Variants in UBALD1 observed in about 807,000 individuals in gnomAD.
The protein encoded by UBALD1 is UBA-like domain-containing protein 1.
A neutral mutation model predicts 16.1 loss-of-function variants in UBALD1; 5 were observed. The ratio of observed to expected loss-of-function variants is 0.31; its 90% CI spans 0.16 to 0.66. UBALD1 has a LOEUF of 0.66. UBALD1 is among the 30% of genes least tolerant of loss of function. UBALD1 has a pLI of 0.77. For synonymous variants in UBALD1, 146 were observed against 105.3 expected (o/e 1.39, Z -2.37); for missense variants, 220 against 252.8 (o/e 0.87, Z 0.88).
intron 1 of UBALD1, chr16:4,611,438 C>G (rs1456055533): frequency 6.6e-6 from 1 of 152,518 alleles, no homozygotes; most frequent in African/African-American, 2.4e-5. Context: ...GCTCCACCGT[C>G]TCCCTCCACA....
In UBALD1 at chr16:4,609,483, G is replaced by A. The variant is rs1596545928; in HGVS notation, c.*150C>T. The A allele has an allele frequency of 2.4e-6, 1 of 416,394 alleles. No individual in the cohort carries two copies. Among genetic ancestry groups the A allele is most frequent in the Non-Finnish European group, 4.2e-6 (1 of 239,510 alleles). 25.8% of individuals were successfully genotyped at this position (416,394 alleles called of 1,614,324 possible). Reference sequence around the variant, plus strand: ...GCAGCTGCGTGTTCTGGCACCAGACGTGTCCCTGCCTGGCTAGAGTCCGCG... The same window carrying A: ...GCAGCTGCGTGTTCTGGCACCAGACATGTCCCTGCCTGGCTAGAGTCCGCG... On this transcript the variant is annotated 3_prime_UTR_variant, in exon 3 of 3. Transcript: ENST00000283474.
At chr16:4,611,179 C>T (rs1266343347) in intron 1 of UBALD1, 1 of 154,800 alleles carries the variant, frequency 6.5e-6, no homozygotes, top group East Asian at 1.9e-4. Flanking sequence ...CTAGGTGGCT[C>T]CTGGGTCCCC....
chr16:4,609,679 G>A lies in UBALD1; in HGVS notation c.488C>T (p.Ala163Val), dbSNP rs777997322. 3.5e-5 allele frequency: 52 copies of A among 1,469,998 alleles called. No individual in the cohort carries two copies. The highest frequency in any genetic ancestry group is 4.4e-5 in the Non-Finnish European group (49 of 1,112,562). 91.1% of individuals were successfully genotyped at this position (1,469,998 alleles called of 1,614,324 possible). A position where few individuals can be genotyped will look rare whatever the true frequency, so the allele number is the denominator to read the frequency against. ...SDWPPLAPQQ[A>V]TSEPRAHPAM... The stretch of plus-strand genomic sequence containing the variant: ...AGGGTGGGCCCTGGGTTCTGAGGTG[G>A]CCTGTTGGGGGGCCAGGGGTGGCCA... Residue 163 changes from alanine (A) to valine (V), a missense_variant, in exon 3 of 3, where the codon GCC becomes GTC. Transcript: ENST00000283474.
In UBALD1 at chr16:4,609,717, A is replaced by G; in HGVS notation, c.450T>C (p.Ser150=). 2 of 1,479,598 alleles carry G rather than the reference A, an allele frequency of 1.4e-6. No homozygotes were observed. The highest frequency in any genetic ancestry group is 9.0e-7 in the Non-Finnish European group (1 of 1,116,906). 91.7% of individuals were successfully genotyped at this position (1,479,598 alleles called of 1,614,324 possible). A position where few individuals can be genotyped will look rare whatever the true frequency, so the allele number is the denominator to read the frequency against. The change falls in exon 3 of 3, where the codon TCT becomes TCC. Residue 150 remains serine, a synonymous_variant. Transcript: ENST00000283474. The part of the protein sequence containing the change: ...QPPLWTPTPP[S]PASDWPPLAP... ...CCAGGGGTGGCCAGTCTGAAGCCGG[A>G]GAAGGGGGTGTTGGAGTCCACAGGG... is the stretch of plus-strand genomic sequence containing the variant.
chr16:4,612,283 T>G (rs1383610316), intron 1 of UBALD1, among the ~76,000 whole-genome samples: 4 of 152,074 alleles, frequency 2.6e-5, no homozygotes, highest in Admixed American at 2.6e-4. Context: ...AGGATGGTCT[T>G]GATCTCTTGA....
intron 1 of UBALD1, among the ~76,000 whole-genome samples, chr16:4,611,684 T>C (rs1304258885): frequency 6.6e-5 from 10 of 152,070 alleles, no homozygotes; most frequent in African/African-American, 2.2e-4. Context: ...CCCTTTCCTG[T>C]GTGTGTCAGC....
intron 1 of UBALD1, among the ~76,000 whole-genome samples, chr16:4,613,257 A>AG (rs1183509536): frequency 6.6e-6 from 1 of 152,184 alleles, no homozygotes; most frequent in Non-Finnish European, 1.5e-5. Context: ...CTTGGGGCAC[A>AG]GGGGGCAGTA....
intron 1 of UBALD1, 30 bp downstream of exon 1, chr16:4,614,648 C>T (rs746268418): frequency 1.4e-6 from 2 of 1,465,910 alleles, no homozygotes; most frequent in South Asian, 1.4e-5. Flanking sequence ...CCCGTGGCCC[C>T]GGCCCTCGCC....
chr16:4,614,411 T>TGG (rs138923012), intron 1 of UBALD1: 5,047 of 377,882 alleles, frequency 0.013, 27 homozygotes, highest in African/African-American at 0.026. Flanking sequence ...ACAAAAGGGG[T>TGG]GGGGGGGGTC....
Position 4,614,746 on chromosome 16 carries a change from C to CG in UBALD1, c.51dup (p.Val18ArgfsTer60). 1 of 1,561,606 alleles carries CG rather than the reference C, an allele frequency of 6.4e-7. No homozygotes were observed. The highest frequency in any genetic ancestry group is 8.6e-7 in the Non-Finnish European group (1 of 1,156,360). ...TCGGCCGCGCAGCCCGCCGTCAGCACGAACTGGTTGATCATGACCTGGTGC... is the reference window on the plus strand; with the variant it reads ...TCGGCCGCGCAGCCCGCCGTCAGCACGGAACTGGTTGATCATGACCTGGTGC... On this transcript the variant is annotated frameshift_variant, in exon 1 of 3. Transcript: ENST00000283474. LOFTEE classifies it high-confidence loss of function.
chr16:4,609,694 AG>A lies in UBALD1; in HGVS notation c.472del (p.Leu158TrpfsTer66). Reference sequence around the variant, plus strand: ...TTCTGAGGTGGCCTGTTGGGGGGCCAGGGGTGGCCAGTCTGAAGCCGGAGAA... The same window carrying A: ...TTCTGAGGTGGCCTGTTGGGGGGCCAGGGTGGCCAGTCTGAAGCCGGAGAA... ...PPSPASDWPP[L>X]APQQATSEPR... On this transcript the variant is annotated frameshift_variant, in exon 3 of 3. Coordinates refer to ENST00000283474, the MANE Select transcript of UBALD1 (RefSeq NM_145253.3). LOFTEE classifies it high-confidence loss of function. 2 of 1,476,718 alleles carry A rather than the reference AG, an allele frequency of 1.4e-6. No homozygotes were observed. The highest frequency in any genetic ancestry group is 2.5e-5 in the East Asian group (1 of 40,466). 91.5% of individuals were successfully genotyped at this position (1,476,718 alleles called of 1,614,324 possible). A position where few individuals can be genotyped will look rare whatever the true frequency, so the allele number is the denominator to read the frequency against.
chr16:4,610,635 G>A (rs751348682), intron 1 of UBALD1, 80 bp from the exon 2 acceptor site: 2 of 1,484,998 alleles, frequency 1.3e-6, no homozygotes, highest in South Asian at 2.4e-5. Context: ...CTCCTCTGAG[G>A]CTGGGGATGA....
At chr16:4,612,530 G>T (rs111515142) in intron 1 of UBALD1, among the ~76,000 whole-genome samples, 1 of 151,946 alleles carries the variant, frequency 6.6e-6, no homozygotes, top group African/African-American at 2.4e-5. Flanking sequence ...CAAAGCCCAG[G>T]CTCACTGTGT....
At chr16:4,614,312 C>G in intron 1 of UBALD1, 1 of 361,978 alleles carries the variant, frequency 2.8e-6, no homozygotes, top group East Asian at 4.0e-5. Context: ...CGGCCCAGCT[C>G]TGCCGAGGCC....
intron 1 of UBALD1, chr16:4,610,930 A>C (rs1596546775): frequency 2.4e-6 from 1 of 408,488 alleles, no homozygotes; most frequent in Non-Finnish European, 4.3e-6. Flanking sequence ...GCCCAACCAG[A>C]CCTCCCCACC....
In UBALD1 at chr16:4,614,812, G is replaced by A. The variant is rs1897406048; in HGVS notation, c.-15C>T. 2.0e-6 allele frequency: 3 copies of A among 1,487,882 alleles called. No individual in the cohort carries two copies. Among genetic ancestry groups the A allele is most frequent in the Non-Finnish European group, 1.8e-6 (2 of 1,118,962 alleles). 92.2% of individuals were successfully genotyped at this position (1,487,882 alleles called of 1,614,324 possible). On this transcript the variant is annotated 5_prime_UTR_variant, in exon 1 of 3. Transcript: ENST00000283474. ...TTCACGGACATGGCGCCGCCGCGCT[G>A]CCCGCTCCGGCCTCCCTCCTCCGCC...
intron 1 of UBALD1, chr16:4,614,444 C>A: frequency 1.8e-6 from 1 of 541,788 alleles, no homozygotes; most frequent in South Asian, 4.3e-5. Context: ...CCGGGGGACT[C>A]GCGGCCCCGC....
In UBALD1 at chr16:4,609,261, G is replaced by A. The variant is rs374995189; in HGVS notation, c.*372C>T. 2.6e-4 allele frequency: 52 copies of A among 200,542 alleles called. No individual in the cohort carries two copies. The East Asian group carries it at 5.4e-3, about 21-fold the overall frequency. 12.4% of individuals were successfully genotyped at this position (200,542 alleles called of 1,614,324 possible). ...CCTAGGGTGGGGGTCGAGGCCTGCC[G>A]GCCCCCAAGGAGCTCCAAGCCAGGG... is the stretch of plus-strand genomic sequence containing the variant. On this transcript the variant is annotated 3_prime_UTR_variant, in exon 3 of 3. Transcript: ENST00000283474.
Position 4,609,685 on chromosome 16 carries a change from T to TG in UBALD1, c.481dup (p.Gln161ProfsTer189). ...GGCCCTGGGTTCTGAGGTGGCCTGTTGGGGGGCCAGGGGTGGCCAGTCTGA... is the reference window on the plus strand; with the variant it reads ...GGCCCTGGGTTCTGAGGTGGCCTGTTGGGGGGGCCAGGGGTGGCCAGTCTGA... On this transcript the variant is annotated frameshift_variant, in exon 3 of 3. Transcript: ENST00000283474. LOFTEE classifies it high-confidence loss of function. 1 of 1,470,416 alleles carries TG rather than the reference T, an allele frequency of 6.8e-7. No homozygotes were observed. Among genetic ancestry groups the TG allele is most frequent in the Non-Finnish European group, 9.0e-7 (1 of 1,112,512 alleles). 91.1% of individuals were successfully genotyped at this position (1,470,416 alleles called of 1,614,324 possible).
Sources: allele counts gnomAD v4.1 joint callset (sites outside exome capture counted in the v4.1 genomes callset), GRCh38; gene constraint gnomAD v4.1.1; transcripts MANE v1.5; gene names NCBI Gene and HGNC (gene_info 2026-07-23, HGNC 2026-07-21).